LRP1: variants seen among roughly 807,000 people sequenced by gnomAD.
The protein encoded by LRP1 is LDL receptor related protein 1.
A neutral mutation model predicts 541.5 loss-of-function variants in LRP1; 51 were observed. That is an observed-to-expected ratio of 0.09 (90% CI 0.08 to 0.12). LRP1 has a LOEUF of 0.12. Ranked by LOEUF, LRP1 falls within the 10% of genes least tolerant of loss-of-function variation. The probability of loss-of-function intolerance (pLI) is 1.00; values close to 1 mark genes in which losing one functional copy is unlikely to be tolerated. For synonymous variants in LRP1, 2,219 were observed against 2,470.8 expected (o/e 0.90, Z 3.02); for missense variants, 3,878 against 6,376.2 (o/e 0.61, Z 13.34).
intron 1 of LRP1, among the ~76,000 whole-genome samples, chr12:57,136,980 G>A (rs1212668532): frequency 1.3e-5 from 2 of 152,212 alleles, no homozygotes; most frequent in Non-Finnish European, 2.9e-5. Flanking sequence ...GGTGGCTCAC[G>A]CCTGTAATCC....
intron 6 of LRP1, among the ~76,000 whole-genome samples, chr12:57,147,124 T>C (rs1191294152): frequency 5.3e-5 from 8 of 151,832 alleles, no homozygotes; most frequent in Non-Finnish European, 1.2e-4. Flanking sequence ...ACTGGGCCTC[T>C]CAGGGGCAGA....
chr12:57,212,305 G>T lies in LRP1; in HGVS notation c.13494+44G>T. ...AGGGTCGAGTGCCAAGAGGCCGTGG[G>T]TGGCCTAACCAAAGGTGTTGGGTTA... On this transcript the variant is annotated intron_variant, in intron 88 of 88. Coordinates refer to ENST00000243077, the MANE Select transcript of LRP1 (RefSeq NM_002332.3). This position sits in a 1 kb window ranked among gnomAD's most constrained non-coding sequence, Gnocchi z 5.0. 6.2e-7 allele frequency: 1 copy of T among 1,612,778 alleles called. No homozygotes were observed. The highest frequency in any genetic ancestry group is 8.5e-7 in the Non-Finnish European group (1 of 1,179,326).
chr12:57,203,442 C>T lies in LRP1; in HGVS notation c.10872C>T (p.His3624=), dbSNP rs771414266. ...ACCAGTTCCAGTGCAAGAGCGGCCA[C>T]TGCATCCCCCTGCGCTGGCGCTGTG... ...DMDQFQCKSG[H]CIPLRWRCDA... The change falls in exon 70 of 89, where the codon CAC becomes CAT. Residue 3624 remains histidine (H), a synonymous_variant. Coordinates refer to ENST00000243077, the MANE Select transcript of LRP1 (RefSeq NM_002332.3). 6.2e-7 allele frequency: 1 copy of T among 1,605,212 alleles called. No homozygotes were observed. The highest frequency in any genetic ancestry group is 8.5e-7 in the Non-Finnish European group (1 of 1,175,982).
chr12:57,154,573 G>A lies in LRP1; in HGVS notation c.1099G>A (p.Val367Met), dbSNP rs1178852705. Reference protein sequence around the residue: ...NRTKLVDSKIVFPHGITLDLV... With the variant: ...NRTKLVDSKIMFPHGITLDLV... ...CACCAAGCTCGTCGACAGCAAGATT[G>A]TGTTTCCTCATGGCATCACGCTGGA... Residue 367 changes from valine to methionine, a missense_variant, in exon 8 of 89, where the codon GTG becomes ATG. This residue lies in a region of LRP1 where 496 missense variants were observed against 861.0 expected (regional missense o/e 0.58). Coordinates refer to ENST00000243077, the MANE Select transcript of LRP1 (RefSeq NM_002332.3). The surrounding 1 kb of genome is among the most constrained non-coding windows in gnomAD (Gnocchi z 4.6). 1 of 1,614,106 alleles carries A rather than the reference G, an allele frequency of 6.2e-7. No individual in the cohort carries two copies. The highest frequency in any genetic ancestry group is 1.3e-5 in the African/African-American group (1 of 75,062).
rs539018595 is a variant in LRP1 at position 57,211,032 on chromosome 12, T to C, written c.12917-144T>C. 202 of 1,369,382 alleles carry C rather than the reference T, an allele frequency of 1.5e-4. No homozygotes were observed. The highest frequency in any genetic ancestry group is 1.7e-4 in the Admixed American group (8 of 47,574). The allele number at this position is 1,369,382 out of a possible 1,614,324, so 84.8% of individuals were successfully genotyped here. ...TGAGCCAGGCCCAAGCTGCTGGCGC[T>C]TCCCCACAAAGGTGCTGGCACACTT... On this transcript the variant is annotated intron_variant, in intron 83 of 88. Transcript: ENST00000243077. The surrounding 1 kb of genome is among the most constrained non-coding windows in gnomAD (Gnocchi z 4.3).
rs1485898218 is a variant in LRP1, at chr12:57,183,372, C to T, written c.5663-7C>T. The T allele has an allele frequency of 3.1e-6, 5 of 1,594,832 alleles. No homozygotes were observed. In the South Asian group the frequency reaches 4.4e-5, roughly 14 times the overall value. On this transcript the variant is annotated splice_region_variant and splice_polypyrimidine_tract_variant and intron_variant, in intron 34 of 88. Coordinates refer to ENST00000243077, the MANE Select transcript of LRP1 (RefSeq NM_002332.3). The surrounding 1 kb of genome is among the most constrained non-coding windows in gnomAD (Gnocchi z 6.1). ...ATACCCATGCCTTAAGTTTCCTTGT[C>T]TTTCAGGCGTAGGTTCCTTTCTCCT...
At chr12:57,181,135 T>C (rs773418892) in intron 33 of LRP1, 22 bp from the exon 34 acceptor site, 1 of 1,608,830 alleles carries the variant, frequency 6.2e-7, no homozygotes, top group African/African-American at 1.3e-5. Flanking sequence ...ACCCTTTCCC[T>C]CTGCCTCCCA....
chr12:57,195,383 C>T lies in LRP1; in HGVS notation c.8421C>T (p.Ser2807=), dbSNP rs142564385. 105 of 1,607,838 alleles carry T rather than the reference C, an allele frequency of 6.5e-5. No homozygotes were observed. The highest frequency in any genetic ancestry group is 8.6e-5 in the Non-Finnish European group (101 of 1,179,760). Residue 2807 remains serine, a synonymous_variant, in exon 52 of 89, where the codon AGC becomes AGT. Coordinates refer to ENST00000243077, the MANE Select transcript of LRP1 (RefSeq NM_002332.3). ...ACTGTGCTGATGGTGCAGACGAGAG[C>T]ATCGCAGCTGGTTGCTGTGAGTGGC... is the stretch of plus-strand genomic sequence containing the variant. ...DKDCADGADE[S]IAAGCLYNST...
chr12:57,204,120 C>T lies in LRP1; in HGVS notation c.10952-290C>T, dbSNP rs899575161. ...CGCTGTGGAACTACACAGCCCAGTG[C>T]TGTTCCCACGTCCCCGCTGTGGAAC... On this transcript the variant is annotated intron_variant, in intron 70 of 88. Transcript: ENST00000243077. This position sits in a 1 kb window ranked among gnomAD's most constrained non-coding sequence, Gnocchi z 5.3. 11 of 324,666 alleles carry T rather than the reference C, an allele frequency of 3.4e-5. No homozygotes were observed. The highest frequency in any genetic ancestry group is 5.6e-5 in the Non-Finnish European group (10 of 177,396). The allele number at this position is 324,666 out of a possible 1,614,324, so 20.1% of individuals were successfully genotyped here. A position where few individuals can be genotyped will look rare whatever the true frequency, so the allele number is the denominator to read the frequency against.
At chr12:57,136,549 T>A (rs187727001) in intron 1 of LRP1, among the ~76,000 whole-genome samples, 4 of 152,308 alleles carry the variant, frequency 2.6e-5, no homozygotes, top group African/African-American at 9.6e-5. Context: ...GTGCCTGGCA[T>A]AGAGCTGGCC....
chr12:57,185,109 G>C lies in LRP1; in HGVS notation c.6367G>C (p.Gly2123Arg). 1.2e-6 allele frequency: 2 copies of C among 1,614,124 alleles called. No homozygotes were observed. Among genetic ancestry groups the C allele is most frequent in the Non-Finnish European group, 1.7e-6 (2 of 1,180,028 alleles). ...RTHANGSIKR[G>R]SKDNATDSVP... ...TCATGCCAACGGCTCTATCAAGCGC[G>C]GGAGCAAAGACAATGCCACAGACTC... The change falls in exon 40 of 89, where the codon GGG becomes CGG. Residue 2123 changes from glycine to arginine, a missense_variant. Gly to Arg is a moderately radical substitution (Grantham distance 125). Transcript: ENST00000243077. The surrounding 1 kb of genome is among the most constrained non-coding windows in gnomAD (Gnocchi z 4.9).
chr12:57,204,441 C>T lies in LRP1; in HGVS notation c.10983C>T (p.Cys3661=), dbSNP rs1185695871. 7 of 1,557,606 alleles carry T rather than the reference C, an allele frequency of 4.5e-6. No individual in the cohort carries two copies. Among genetic ancestry groups the T allele is most frequent in the Non-Finnish European group, 6.1e-6 (7 of 1,149,864 alleles). Residue 3661 remains cysteine, a synonymous_variant, in exon 71 of 89, where the codon TGC becomes TGT. Transcript: ENST00000243077. This position sits in a 1 kb window ranked among gnomAD's most constrained non-coding sequence, Gnocchi z 5.3. ...CCTGCCCCCTGGACGAGTTCCAGTG[C>T]AACAACACCTTGTGCAAGCCGCTGG... The part of the protein sequence containing the change: ...VRTCPLDEFQ[C]NNTLCKPLAW...
Position 57,209,927 on chromosome 12 carries a change from A to G in LRP1, c.12439+59A>G, listed in dbSNP as rs532259236. On this transcript the variant is annotated intron_variant, in intron 80 of 88. Coordinates refer to ENST00000243077, the MANE Select transcript of LRP1 (RefSeq NM_002332.3). ...GAGGCCTGTGGGCATTGAGTCTCCA[A>G]GCTGTGGCCCTGGGACCTGGTGGAG... The G allele has an allele frequency of 2.5e-6, 4 of 1,599,422 alleles. No individual in the cohort carries two copies. The Admixed American group carries it at 5.0e-5, about 20-fold the overall frequency.
rs962030650 is a variant in LRP1, at chr12:57,162,244, G to T, written c.2203-73G>T. On this transcript the variant is annotated intron_variant, in intron 13 of 88. Transcript: ENST00000243077. The surrounding 1 kb of genome is among the most constrained non-coding windows in gnomAD (Gnocchi z 5.2). Reference sequence around the variant, plus strand: ...ATGCCCAGGACATAGACAAATGAATGTACAAAACAGTGATCTCACAGGCCT... The same window carrying T: ...ATGCCCAGGACATAGACAAATGAATTTACAAAACAGTGATCTCACAGGCCT... 77 of 1,267,284 alleles carry T rather than the reference G, an allele frequency of 6.1e-5. 1 individual carries two copies. The highest frequency in any genetic ancestry group is 8.4e-5 in the Non-Finnish European group (73 of 868,518). 78.5% of individuals were successfully genotyped at this position (1,267,284 alleles called of 1,614,324 possible).
chr12:57,167,117 G>A, intron 18 of LRP1, 71 bp downstream of exon 18: 3 of 1,334,166 alleles, frequency 2.2e-6, no homozygotes, highest in Non-Finnish European at 3.2e-6. Flanking sequence ...GCCAGTTGGG[G>A]GTGCCGGAGA....
intron 6 of LRP1, chr12:57,149,683 G>A (rs765604139): frequency 1.4e-6 from 1 of 733,984 alleles, no homozygotes; most frequent in South Asian, 1.4e-5. Context: ...ATCACAGGCA[G>A]GAGCAGGAAG....
chr12:57,185,641 G>T lies in LRP1; in HGVS notation c.6574G>T (p.Ala2192Ser). 1 of 1,612,454 alleles carries T rather than the reference G, an allele frequency of 6.2e-7. No individual in the cohort carries two copies. ...CCACGGGATGCTGGCTGAAGACGGAGCATCGTGCCGCGAGTATGCCGGCTA... is the reference window on the plus strand; with the variant it reads ...CCACGGGATGCTGGCTGAAGACGGATCATCGTGCCGCGAGTATGCCGGCTA... ...CAHGMLAEDG[A>S]SCREYAGYLL... Residue 2192 changes from alanine (A) to serine (S), a missense_variant, in exon 41 of 89, where the codon GCA becomes TCA. Ala to Ser is a moderately conservative substitution (Grantham distance 99). Coordinates refer to ENST00000243077, the MANE Select transcript of LRP1 (RefSeq NM_002332.3). The surrounding 1 kb of genome is among the most constrained non-coding windows in gnomAD (Gnocchi z 4.9).
At position 57,212,028 on chromosome 12, in the gene LRP1, G is replaced by C; in HGVS notation, c.13349+11G>C. 4 of 1,614,098 alleles carry C rather than the reference G, an allele frequency of 2.5e-6. No individual in the cohort carries two copies. Among genetic ancestry groups the C allele is most frequent in the Non-Finnish European group, 3.4e-6 (4 of 1,179,988 alleles). ...GCGGCGAGTCCAAGGGTGAGTCACAGGGATTCTGGAACATTCTGGTCATTA... is the reference window on the plus strand; with the variant it reads ...GCGGCGAGTCCAAGGGTGAGTCACACGGATTCTGGAACATTCTGGTCATTA... On this transcript the variant is annotated intron_variant, in intron 87 of 88. Coordinates refer to ENST00000243077, the MANE Select transcript of LRP1 (RefSeq NM_002332.3). The surrounding 1 kb of genome is among the most constrained non-coding windows in gnomAD (Gnocchi z 5.0).
rs769778868 is a variant in LRP1, at chr12:57,150,189, C to CTTT, written c.842-4001_842-3999dup. Reference sequence around the variant, plus strand: ...GAGCCTGTAACAGGAAAACTTCCTTCTTTTTTTTTTTTTTTTTTTTGAGAT... The same window carrying CTTT: ...GAGCCTGTAACAGGAAAACTTCCTTCTTTTTTTTTTTTTTTTTTTTTTTGAGAT... On this transcript the variant is annotated intron_variant, in intron 6 of 88. Coordinates refer to ENST00000243077, the MANE Select transcript of LRP1 (RefSeq NM_002332.3). 4.0e-3 allele frequency: 367 copies of CTTT among 92,832 alleles called. 31 individuals are homozygous for CTTT. Among genetic ancestry groups the CTTT allele is most frequent in the African/African-American group, 0.015 (289 of 19,480 alleles). The allele number at this position is 92,832 out of a possible 1,614,324, so 5.8% of individuals were successfully genotyped here.
Sources: gnomAD v4.1 joint callset for allele counts (sites outside exome capture counted in the v4.1 genomes callset) on GRCh38, gnomAD v4.1.1 for gene constraint, gnomAD v4.1.1 regional missense constraint, Gnocchi (gnomAD v3.1) non-coding constraint, MANE v1.5 for transcripts, NCBI Gene and HGNC (gene_info 2026-07-23, HGNC 2026-07-21) for gene names.